The following RABGAP1L variants were observed in gnomAD, a reference collection of about 807,000 sequenced individuals.
RABGAP1L encodes the protein rab GTPase-activating protein 1-like.
RABGAP1L carries 63 observed loss-of-function variants against 137.7 expected under a neutral mutation model. The observed-to-expected ratio is 0.46, with a 90% CI of 0.37 to 0.56. RABGAP1L has a LOEUF of 0.56. Among genes scored for constraint, RABGAP1L ranks in the 20% least tolerant of loss-of-function variants. RABGAP1L has a pLI of 0.00. For missense variants in RABGAP1L, 1,095 were observed against 1,244.0 expected (o/e 0.88, Z 1.80); for synonymous variants, 431 against 433.7 (o/e 0.99, Z 0.08).
chr1:174,485,545 T>C (rs1294365469), intron 13 of RABGAP1L, among the ~76,000 whole-genome samples: 3 of 152,212 alleles, frequency 2.0e-5, no homozygotes, highest in African/African-American at 7.2e-5. Flanking sequence ...GTTTTTACCA[T>C]GAAGGGATGT....
At chr1:174,349,622 G>A (rs1682868564) in intron 11 of RABGAP1L, among the ~76,000 whole-genome samples, 1 of 140,894 alleles carries the variant, frequency 7.1e-6, no homozygotes, top group South Asian at 2.3e-4. Context: ...GGGGCGGCTG[G>A]CCGGGTGGGG....
chr1:174,167,718 C>T (rs1230216932), intron 1 of RABGAP1L, among the ~76,000 whole-genome samples: 1 of 152,162 alleles, frequency 6.6e-6, no homozygotes, highest in East Asian at 1.9e-4. Flanking sequence ...AAGAATCAGA[C>T]TTCTACTACA....
intron 17 of RABGAP1L, among the ~76,000 whole-genome samples, chr1:174,710,028 C>G (rs767480621): frequency 2.5e-4 from 38 of 152,116 alleles, no homozygotes; most frequent in Admixed American, 1.6e-3. Flanking sequence ...ACACAAGTAT[C>G]AATAGCCAAA....
intron 13 of RABGAP1L, among the ~76,000 whole-genome samples, chr1:174,445,329 G>T (rs1213574781): frequency 1.3e-5 from 2 of 152,110 alleles, no homozygotes; most frequent in African/African-American, 4.8e-5. Context: ...AATTTGCATT[G>T]TTCTAATTTA....
At chr1:174,881,954 C>T (rs1008378776) in intron 19 of RABGAP1L, among the ~76,000 whole-genome samples, 3 of 151,970 alleles carry the variant, frequency 2.0e-5, no homozygotes, top group Admixed American at 6.6e-5. Context: ...CTCTGCCTCC[C>T]GGGTCCAAGA....
intron 14 of RABGAP1L, among the ~76,000 whole-genome samples, chr1:174,644,632 A>T (rs754655608): frequency 1.3e-5 from 2 of 151,910 alleles, no homozygotes; most frequent in Admixed American, 1.3e-4. Context: ...ATTTTTTTTC[A>T]TATTTGAGAT....
rs146559198 is a variant in RABGAP1L at position 174,811,412 on chromosome 1, G to A, written c.2212-420G>A. Among the ~76,000 whole-genome samples the A allele has an allele frequency of 1.8e-3, 272 of 152,222 alleles. 2 individuals are homozygous for A. The highest frequency in any genetic ancestry group is 6.3e-3 in the African/African-American group (261 of 41,554). On this transcript the variant is annotated intron_variant, in intron 18 of 25. Transcript: ENST00000681986. ...ATTGTGTAACTGATGTATTTTGGTT[G>A]CATTTTCTATGTCTTCAGCCAGCTT... is the stretch of plus-strand genomic sequence containing the variant.
At chr1:174,602,737 C>T (rs192344182) in intron 13 of RABGAP1L, among the ~76,000 whole-genome samples, 19 of 152,242 alleles carry the variant, frequency 1.2e-4, no homozygotes, top group African/African-American at 3.9e-4. Flanking sequence ...GAGACTGATA[C>T]ATTCTTCAGT....
chr1:174,362,566 C>T (rs1002338350), intron 11 of RABGAP1L, among the ~76,000 whole-genome samples: 1 of 152,190 alleles, frequency 6.6e-6, no homozygotes, highest in African/African-American at 2.4e-5. Context: ...TTCTTGGCCC[C>T]ATGTATGTCT....
intron 18 of RABGAP1L, among the ~76,000 whole-genome samples, chr1:174,755,338 T>C (rs1684654441): frequency 6.6e-6 from 1 of 152,224 alleles, no homozygotes; most frequent in African/African-American, 2.4e-5. Context: ...CCAAATGTAA[T>C]TTATTTACTT....
chr1:174,365,032 T>G (rs1257084765), intron 11 of RABGAP1L, among the ~76,000 whole-genome samples: 1 of 152,204 alleles, frequency 6.6e-6, no homozygotes, highest in African/African-American at 2.4e-5. Flanking sequence ...TACTCTTTGC[T>G]GTCCTCTCCT....
chr1:174,901,777 A>T (rs1658175619), intron 19 of RABGAP1L, among the ~76,000 whole-genome samples: 1 of 151,960 alleles, frequency 6.6e-6, no homozygotes, highest in South Asian at 2.1e-4. Context: ...AGGTTTTAGC[A>T]TTTTTGCATT....
rs138132241 is a variant in RABGAP1L, at chr1:174,377,710, G to A, written c.1559+6638G>A. Among the ~76,000 whole-genome samples the A allele has an allele frequency of 1.4e-4, 21 of 150,486 alleles. 1 individual carries two copies. In the East Asian group the frequency reaches 4.1e-3, roughly 29 times the overall value. ...ATTACAAAGACAGATAATAACAAGT[G>A]TTGGCAAGAATGTGGAGACATTGAA... On this transcript the variant is annotated intron_variant, in intron 12 of 25. Coordinates refer to ENST00000681986, the MANE Select transcript of RABGAP1L (RefSeq NM_001366446.1).
intron 13 of RABGAP1L, among the ~76,000 whole-genome samples, chr1:174,636,013 A>G (rs983738259): frequency 1.3e-5 from 2 of 152,232 alleles, no homozygotes; most frequent in Non-Finnish European, 2.9e-5. Flanking sequence ...CAATTCTTTT[A>G]ATTTGCAATT....
intron 14 of RABGAP1L, among the ~76,000 whole-genome samples, chr1:174,644,807 C>A (rs1306633567): frequency 2.0e-5 from 3 of 152,134 alleles, no homozygotes; most frequent in African/African-American, 7.2e-5. Context: ...TCTTCCCGCA[C>A]CTTTAAAGCC....
chr1:174,720,497 G>A (rs933694173), intron 17 of RABGAP1L, among the ~76,000 whole-genome samples: 1 of 151,792 alleles, frequency 6.6e-6, no homozygotes, highest in Non-Finnish European at 1.5e-5. Flanking sequence ...TTAATTTTTT[G>A]TAGAGACAGG....
chr1:174,181,874 A>G (rs906974837), intron 1 of RABGAP1L, among the ~76,000 whole-genome samples: 1 of 152,228 alleles, frequency 6.6e-6, no homozygotes, highest in Non-Finnish European at 1.5e-5. Context: ...CATAGGTAAC[A>G]AAGAGTGTCT....
chr1:174,412,319 G>A (rs1031569552), intron 13 of RABGAP1L, among the ~76,000 whole-genome samples: 26 of 152,080 alleles, frequency 1.7e-4, no homozygotes, highest in Non-Finnish European at 1.8e-4. Flanking sequence ...TTGCATGGTA[G>A]ATCTTCCTCC....
chr1:174,542,399 C>A (rs1665545481), intron 13 of RABGAP1L, among the ~76,000 whole-genome samples: 1 of 152,164 alleles, frequency 6.6e-6, no homozygotes, highest in Non-Finnish European at 1.5e-5. Context: ...TTATAGTATT[C>A]TCTGATGGTA....
Sources: gnomAD v4.1 joint callset for allele counts (sites outside exome capture counted in the v4.1 genomes callset) on GRCh38, gnomAD v4.1.1 for gene constraint, MANE v1.5 for transcripts, NCBI Gene and HGNC (gene_info 2026-07-23, HGNC 2026-07-21) for gene names.